Variants in ASAP1 observed in about 807,000 individuals in gnomAD.
ASAP1 encodes the protein ArfGAP with SH3 domain, ankyrin repeat and PH domain 1, also known as arf-GAP with SH3 domain, ANK repeat and PH domain-containing protein 1.
In ASAP1, 43 loss-of-function variants were observed where a neutral mutation model predicts 145.2. The ratio of observed to expected loss-of-function variants is 0.30; its 90% confidence interval spans 0.23 to 0.38. The LOEUF is 0.38. Ranked by LOEUF, ASAP1 falls within the 10% of genes least tolerant of loss-of-function variation. The pLI is 1.00. For missense variants in ASAP1, 1,018 were observed against 1,355.3 expected, an observed-to-expected ratio of 0.75 and a Z score of 3.91; for synonymous variants, 546 against 515.5, an observed-to-expected ratio of 1.06 and a Z score of -0.80.
At chr8:130,267,103 A>AAAAC (rs768179280) in intron 3 of ASAP1, among the ~76,000 whole-genome samples, 18 of 110,258 alleles carry the variant, frequency 1.6e-4, no homozygotes, top group South Asian at 3.8e-4. Context: ...ACTCTGTCTC[A>AAAAC]AAACAAACAA....
At chr8:130,422,859 C>G (rs182193864) in intron 1 of ASAP1, among the ~76,000 whole-genome samples, 1 of 152,174 alleles carries the variant, frequency 6.6e-6, no homozygotes, top group Non-Finnish European at 1.5e-5. Flanking sequence ...TCCACTGCTG[C>G]CTTCTATTAT....
chr8:130,325,708 T>C (rs1160591849), intron 3 of ASAP1, among the ~76,000 whole-genome samples: 1 of 152,208 alleles, frequency 6.6e-6, no homozygotes, highest in Non-Finnish European at 1.5e-5. Context: ...TACCACATGC[T>C]GAAATGCCAA....
At chr8:130,119,563 G>A (rs1383142535) in intron 18 of ASAP1, among the ~76,000 whole-genome samples, 2 of 152,210 alleles carry the variant, frequency 1.3e-5, no homozygotes, top group Non-Finnish European at 2.9e-5. Flanking sequence ...TCTGGGGAAA[G>A]ACTAAAATGG....
chr8:130,169,660 A>G (rs1192008536), intron 9 of ASAP1, among the ~76,000 whole-genome samples: 2 of 152,258 alleles, frequency 1.3e-5, no homozygotes, highest in Non-Finnish European at 2.9e-5. Context: ...CTGAAAAATA[A>G]CAAGAATTAA....
chr8:130,359,452 A>AG (rs1472688127), intron 2 of ASAP1, among the ~76,000 whole-genome samples: 2 of 151,108 alleles, frequency 1.3e-5, no homozygotes, highest in Non-Finnish European at 1.5e-5. Context: ...AAGAAGAAGA[A>AG]AAAAAAAGCT....
chr8:130,125,720 A>G (rs1376338925), intron 17 of ASAP1, among the ~76,000 whole-genome samples: 2 of 152,208 alleles, frequency 1.3e-5, no homozygotes, highest in African/African-American at 4.8e-5. Flanking sequence ...AAAAGAAAAG[A>G]GCCAATTTCA....
At chr8:130,092,368 G>A (rs1230625822) in intron 24 of ASAP1, among the ~76,000 whole-genome samples, 5 of 152,108 alleles carry the variant, frequency 3.3e-5, no homozygotes, top group Non-Finnish European at 5.9e-5. Context: ...GCTCATGCCT[G>A]TAATCCCCTG....
At chr8:130,308,638 G>GT (rs1458761322) in intron 3 of ASAP1, among the ~76,000 whole-genome samples, 8 of 152,162 alleles carry the variant, frequency 5.3e-5, no homozygotes, top group African/African-American at 1.9e-4. Context: ...CATTTTTAAA[G>GT]TTTTTTCAAC....
intron 24 of ASAP1, among the ~76,000 whole-genome samples, chr8:130,106,824 TG>T (rs1391528241): frequency 3.9e-5 from 6 of 152,222 alleles, no homozygotes; most frequent in African/African-American, 1.4e-4. Flanking sequence ...TTCTCTTTCC[TG>T]CTCCTCCAGG....
intron 1 of ASAP1, among the ~76,000 whole-genome samples, chr8:130,412,493 C>A (rs1051412435): frequency 6.6e-6 from 1 of 151,856 alleles, no homozygotes; most frequent in African/African-American, 2.4e-5. Context: ...CCCCAGAAGC[C>A]GAGCAGATGC....
intron 28 of ASAP1, among the ~76,000 whole-genome samples, chr8:130,058,874 G>A (rs764310172): frequency 1.3e-5 from 2 of 152,136 alleles, no homozygotes; most frequent in African/African-American, 4.8e-5. Context: ...CTTCTGGGCC[G>A]TGCGGGTGGG....
At chr8:130,098,585 T>C (rs943101962) in intron 24 of ASAP1, among the ~76,000 whole-genome samples, 1 of 152,140 alleles carries the variant, frequency 6.6e-6, no homozygotes, top group African/African-American at 2.4e-5. Flanking sequence ...CCTGATCTCA[T>C]GATCCGCCCG....
At chr8:130,246,602 T>C (rs937277005) in intron 3 of ASAP1, among the ~76,000 whole-genome samples, 2 of 152,186 alleles carry the variant, frequency 1.3e-5, no homozygotes, top group African/African-American at 4.8e-5. Context: ...GCCATGACAG[T>C]AAGTTTCCTG....
intron 3 of ASAP1, among the ~76,000 whole-genome samples, chr8:130,348,212 G>A (rs1825806047): frequency 6.6e-6 from 1 of 152,192 alleles, no homozygotes. Flanking sequence ...TAATAATAGA[G>A]CTAAGAAGAG....
At chr8:130,144,420 T>C (rs1233945089) in intron 13 of ASAP1, among the ~76,000 whole-genome samples, 1 of 152,166 alleles carries the variant, frequency 6.6e-6, no homozygotes, top group East Asian at 1.9e-4. Flanking sequence ...TAACCAAGGA[T>C]CAGGAAGGTG....
chr8:130,075,018 G>C (rs1251460470), intron 27 of ASAP1, among the ~76,000 whole-genome samples: 1 of 152,180 alleles, frequency 6.6e-6, no homozygotes, highest in East Asian at 1.9e-4. Flanking sequence ...GCAGGGAAGA[G>C]CTGGCGGCAG....
intron 1 of ASAP1, among the ~76,000 whole-genome samples, chr8:130,432,328 T>C (rs1174678710): frequency 2.6e-5 from 4 of 152,068 alleles, no homozygotes; most frequent in African/African-American, 4.8e-5. Flanking sequence ...AGTTGGGTTT[T>C]TGGCAGATGG....
chr8:130,295,691 A>C (rs1267929835), intron 3 of ASAP1, among the ~76,000 whole-genome samples: 1 of 152,212 alleles, frequency 6.6e-6, no homozygotes, highest in African/African-American at 2.4e-5. Flanking sequence ...TATGATGTGC[A>C]TGAGGTGGAC....
At chr8:130,241,805 T>C (rs1386893263) in intron 3 of ASAP1, among the ~76,000 whole-genome samples, 2 of 152,176 alleles carry the variant, frequency 1.3e-5, no homozygotes, top group African/African-American at 4.8e-5. Context: ...AATATATTTA[T>C]GCTAACTGAG....
Sources: gnomAD v4.1 joint callset for allele counts (sites outside exome capture counted in the v4.1 genomes callset) on GRCh38, gnomAD v4.1.1 for gene constraint, MANE v1.5 for transcripts, NCBI Gene and HGNC (gene_info 2026-07-23, HGNC 2026-07-21) for gene names.